The following ERICH3 variants were observed in gnomAD, a reference collection of about 807,000 sequenced individuals.
The protein encoded by ERICH3 is glutamate-rich protein 3.
ERICH3 carries 126 observed loss-of-function variants against 131.1 expected under a neutral mutation model. That is an observed-to-expected ratio of 0.96 (90% CI 0.83 to 1.11). ERICH3 has a LOEUF of 1.11. Ranked by LOEUF, ERICH3 falls within the 50% of genes most tolerant of loss-of-function variation. The probability of loss-of-function intolerance (pLI) is 0.00; values close to 1 mark genes in which losing one functional copy is unlikely to be tolerated. For synonymous variants in ERICH3, 695 were observed against 644.6 expected, an observed-to-expected ratio of 1.08 and a Z score of -1.18; for missense variants, 2,050 against 1,810.7, an observed-to-expected ratio of 1.13 and a Z score of -2.40.
chr1:74,603,965 C>A (rs1180945897), intron 10 of ERICH3, among the ~76,000 whole-genome samples: 2 of 151,872 alleles, frequency 1.3e-5, no homozygotes. Context: ...TCTATTGACT[C>A]TTCCTTTCAC....
At position 74,612,671 on chromosome 1, in the gene ERICH3, C is replaced by T. The variant is rs1381316333; in HGVS notation, c.1139G>A (p.Arg380Gln). Reference sequence around the variant, plus strand: ...AACACACACAAACCCAAAGTAGCCTCGTTTGCCTCCAAGCCTGGAACCTTT... The same window carrying T: ...AACACACACAAACCCAAAGTAGCCTTGTTTGCCTCCAAGCCTGGAACCTTT... The part of the protein sequence containing the change: ...HRKGSRLGGK[R>Q]GYFGFVCVER... The change falls in exon 9 of 15, where the codon CGA (arginine) becomes CAA (glutamine). Residue 380 changes from arginine (R) to glutamine (Q), a missense_variant. Coordinates refer to ENST00000326665, the MANE Select transcript of ERICH3 (RefSeq NM_001002912.5). 6.3e-6 allele frequency: 10 copies of T among 1,591,972 alleles called. No homozygotes were observed. The highest frequency in any genetic ancestry group is 5.4e-5 in the African/African-American group (4 of 74,698).
At chr1:74,625,623 C>G (rs1423677447) in intron 7 of ERICH3, 1 of 152,128 alleles carries the variant, frequency 6.6e-6, no homozygotes, top group Non-Finnish European at 1.5e-5. Context: ...ATATCTGTCT[C>G]TCTTGCTAGA....
intron 1 of ERICH3, among the ~76,000 whole-genome samples, chr1:74,672,995 G>A (rs527244744): frequency 2.0e-5 from 3 of 151,924 alleles, no homozygotes; most frequent in East Asian, 3.9e-4. Context: ...TTTTGAGATT[G>A]GGCAGAAAAA....
chr1:74,636,378 G>A lies in ERICH3; in HGVS notation c.505C>T (p.Leu169Phe), dbSNP rs1022788873. The part of the protein sequence containing the change: ...NMQPPIRLQP[L>F]PSNPAVETVP... ...GTTTCTACTGCAGGATTACTGGGAAGAGGCTGTAATCGAATTGGAGGCTGC... is the reference window on the plus strand; with the variant it reads ...GTTTCTACTGCAGGATTACTGGGAAAAGGCTGTAATCGAATTGGAGGCTGC... Residue 169 changes from leucine to phenylalanine, a missense_variant, in exon 6 of 15, where the codon CTT becomes TTT. By Grantham distance (22) the Leu-to-Phe change is conservative. Transcript: ENST00000326665. The A allele has an allele frequency of 6.2e-6, 10 of 1,613,094 alleles. No homozygotes were observed. Among genetic ancestry groups the A allele is most frequent in the Non-Finnish European group, 8.5e-6 (10 of 1,179,268 alleles).
intron 11 of ERICH3, among the ~76,000 whole-genome samples, chr1:74,596,421 T>C (rs576804094): frequency 6.6e-6 from 1 of 152,090 alleles, no homozygotes; most frequent in Non-Finnish European, 1.5e-5. Context: ...AGTATAATGA[T>C]CAAATTGGGG....
At chr1:74,646,197 C>T (rs1055434146) in intron 3 of ERICH3, among the ~76,000 whole-genome samples, 6 of 151,988 alleles carry the variant, frequency 3.9e-5, no homozygotes, top group Non-Finnish European at 7.4e-5. Context: ...ATGTAACATA[C>T]GGCTGAGCTT....
At chr1:74,666,150 T>A (rs1196901547) in intron 1 of ERICH3, among the ~76,000 whole-genome samples, 2 of 151,952 alleles carry the variant, frequency 1.3e-5, no homozygotes, top group Admixed American at 6.6e-5. Flanking sequence ...TCTAAGAAAG[T>A]CCCCAGAGCA....
At chr1:74,671,240 C>G (rs1281329349) in intron 1 of ERICH3, among the ~76,000 whole-genome samples, 1 of 148,572 alleles carries the variant, frequency 6.7e-6, no homozygotes, top group East Asian at 2.0e-4. Context: ...GGACCTTTAT[C>G]AGTAGTTCTG....
chr1:74,620,860 T>C lies in ERICH3; in HGVS notation c.874A>G (p.Ile292Val), dbSNP rs763390072. The C allele has an allele frequency of 1.2e-6, 2 of 1,612,726 alleles. No individual in the cohort carries two copies. The highest frequency in any genetic ancestry group is 2.2e-5 in the South Asian group (2 of 90,956). Reference sequence around the variant, plus strand: ...AGGTGCACATTTTTCCCCAAATAGATCATTGTAATAGCTGCATTACTATGT... The same window carrying C: ...AGGTGCACATTTTTCCCCAAATAGACCATTGTAATAGCTGCATTACTATGT... ...SLHSNAAITM[I>V]YLGKNVHLSS... The change falls in exon 8 of 15, where the codon ATC becomes GTC. Residue 292 changes from isoleucine (I) to valine (V), a missense_variant. Physicochemically the swap from Ile to Val is conservative, Grantham distance 29 (BLOSUM62 3). Coordinates refer to ENST00000326665, the MANE Select transcript of ERICH3 (RefSeq NM_001002912.5).
rs1473782045 is a variant in ERICH3, at chr1:74,571,475, C to T, written c.4235G>A (p.Gly1412Glu). 2 of 1,614,108 alleles carry T rather than the reference C, an allele frequency of 1.2e-6. No homozygotes were observed. Among genetic ancestry groups the T allele is most frequent in the South Asian group, 1.1e-5 (1 of 91,072 alleles). ...CTCCTCTGCTGCTGGCACTTCCTCC[C>T]CACTCCGTGCTAATTCCTCTACCAC... ...KVVVEELARS[G>E]EEVPAAEEMT... is the part of the protein sequence containing the mutation. The change falls in exon 14 of 15, where the codon GGG becomes GAG. Residue 1412 changes from glycine to glutamate, a missense_variant. Gly to Glu is a moderately conservative substitution (Grantham distance 98, BLOSUM62 -2). Transcript: ENST00000326665.
chr1:74,619,656 T>G (rs917069376), intron 8 of ERICH3, among the ~76,000 whole-genome samples: 5 of 152,208 alleles, frequency 3.3e-5, no homozygotes, highest in African/African-American at 1.2e-4. Context: ...TGGAATCATC[T>G]CATTTTCCTC....
chr1:74,587,222 G>A (rs1040416018), intron 12 of ERICH3, among the ~76,000 whole-genome samples: 2 of 150,848 alleles, frequency 1.3e-5, no homozygotes, highest in Non-Finnish European at 2.9e-5. Flanking sequence ...CTACTCGGGA[G>A]GTTAAGGCAG....
chr1:74,617,716 C>T (rs1649037243), intron 8 of ERICH3, among the ~76,000 whole-genome samples: 1 of 152,194 alleles, frequency 6.6e-6, no homozygotes, highest in African/African-American at 2.4e-5. Flanking sequence ...TCAAAGAGAA[C>T]AAGGGAACTT....
chr1:74,582,230 C>A (rs1013874712), intron 12 of ERICH3, among the ~76,000 whole-genome samples: 7 of 152,096 alleles, frequency 4.6e-5, no homozygotes, highest in Admixed American at 3.9e-4. Flanking sequence ...CTCTTCTAAT[C>A]CTTTAAGTCT....
chr1:74,587,973 A>C (rs2100558169), intron 12 of ERICH3, among the ~76,000 whole-genome samples: 1 of 152,252 alleles, frequency 6.6e-6, no homozygotes, highest in African/African-American at 2.4e-5. Context: ...CCAGTTTGTA[A>C]ATTCTTAGGA....
intron 11 of ERICH3, among the ~76,000 whole-genome samples, chr1:74,593,913 C>T (rs1647722835): frequency 6.6e-6 from 1 of 152,070 alleles, no homozygotes; most frequent in Non-Finnish European, 1.5e-5. Flanking sequence ...AGGAAGTACC[C>T]ACAGCCATGG....
intron 9 of ERICH3, among the ~76,000 whole-genome samples, chr1:74,607,881 C>T (rs1196794314): frequency 6.6e-6 from 1 of 151,770 alleles, no homozygotes; most frequent in East Asian, 1.9e-4. Context: ...GATTATTGAG[C>T]ACTCTCTCTG....
intron 12 of ERICH3, chr1:74,579,764 CCT>C: frequency 2.0e-6 from 2 of 985,368 alleles, no homozygotes; most frequent in South Asian, 9.4e-5. Context: ...CACTTTGTTG[CCT>C]CTCTGTATTT....
At position 74,606,679 on chromosome 1, in the gene ERICH3, C is replaced by T. The variant is rs761698202; in HGVS notation, c.1411G>A (p.Ala471Thr). The part of the protein sequence containing the change: ...IKTGLKEVVT[A>T]VEEMTSKGKP... ...CCTTTACTTGTCATTTCCTCCACAG[C>T]AGTTACCACTTCTTTGAGCCCTGTT... The change falls in exon 10 of 15, where the codon GCT (alanine) becomes ACT (threonine). Residue 471 changes from alanine (A) to threonine (T), a missense_variant. Physicochemically the swap from Ala to Thr is moderately conservative, Grantham distance 58. Coordinates refer to ENST00000326665, the MANE Select transcript of ERICH3 (RefSeq NM_001002912.5). 4 of 1,613,058 alleles carry T rather than the reference C, an allele frequency of 2.5e-6. No homozygotes were observed. Among genetic ancestry groups the T allele is most frequent in the Non-Finnish European group, 3.4e-6 (4 of 1,179,420 alleles).
Sources: allele counts gnomAD v4.1 joint callset (sites outside exome capture counted in the v4.1 genomes callset), GRCh38; gene constraint gnomAD v4.1.1; transcripts MANE v1.5; gene names NCBI Gene and HGNC (gene_info 2026-07-23, HGNC 2026-07-21).